VEPH1: variants seen among roughly 807,000 people sequenced by gnomAD.
The protein encoded by VEPH1 is ventricular zone expressed PH domain containing 1.
A neutral mutation model predicts 85.2 loss-of-function variants in VEPH1; 80 were observed. That is an observed-to-expected ratio of 0.94 (90% CI 0.78 to 1.13). The LOEUF (loss-of-function observed/expected upper bound fraction) is 1.13. Among genes scored for constraint, VEPH1 ranks in the 50% most tolerant of loss-of-function variants. The pLI, the probability that VEPH1 is intolerant of heterozygous loss-of-function variation, is 0.00. For synonymous variants in VEPH1, 297 were observed against 348.0 expected, an observed-to-expected ratio of 0.85 and a Z score of 1.63; for missense variants, 955 against 980.5, an observed-to-expected ratio of 0.97 and a Z score of 0.35.
intron 11 of VEPH1, among the ~76,000 whole-genome samples, chr3:157,305,553 G>T (rs192013863): frequency 2.6e-5 from 4 of 152,164 alleles, no homozygotes; most frequent in African/African-American, 9.6e-5. Flanking sequence ...TACTTTTTGT[G>T]TTTGTTTATC....
At chr3:157,482,215 T>C (rs1015481649) in intron 2 of VEPH1, among the ~76,000 whole-genome samples, 2 of 95,684 alleles carry the variant, frequency 2.1e-5, no homozygotes, top group African/African-American at 9.6e-5. Context: ...AAAAATGATG[T>C]TGGTAGGTTT....
At chr3:157,404,461 G>A (rs936735220) in intron 6 of VEPH1, among the ~76,000 whole-genome samples, 11 of 152,132 alleles carry the variant, frequency 7.2e-5, no homozygotes, top group Admixed American at 1.3e-4. Context: ...TCTTTGTCTT[G>A]GATTGGGGTT....
chr3:157,456,985 T>C (rs78498297), intron 4 of VEPH1, among the ~76,000 whole-genome samples: 1 of 152,228 alleles, frequency 6.6e-6, no homozygotes, highest in South Asian at 2.1e-4. Context: ...TTTAATGATA[T>C]TGTTTCCTCC....
intron 3 of VEPH1, among the ~76,000 whole-genome samples, chr3:157,464,582 G>A (rs1378211506): frequency 6.6e-6 from 1 of 152,166 alleles, no homozygotes; most frequent in Non-Finnish European, 1.5e-5. Context: ...ACTTTCTCGT[G>A]GGGACAATTT....
chr3:157,393,512 TAA>T (rs1730077895), intron 6 of VEPH1, among the ~76,000 whole-genome samples: 1 of 152,188 alleles, frequency 6.6e-6, no homozygotes, highest in African/African-American at 2.4e-5. Context: ...AATTTAAAAA[TAA>T]GTTACTTAGT....
At chr3:157,402,746 ATAAT>A (rs1730871560) in intron 6 of VEPH1, among the ~76,000 whole-genome samples, 1 of 152,174 alleles carries the variant, frequency 6.6e-6, no homozygotes, top group Non-Finnish European at 1.5e-5. Flanking sequence ...AAAGCAATAA[ATAAT>A]TATTCATTTA....
chr3:157,362,138 C>G (rs552194520), intron 9 of VEPH1, among the ~76,000 whole-genome samples: 3 of 152,198 alleles, frequency 2.0e-5, no homozygotes, highest in African/African-American at 7.2e-5. Flanking sequence ...TCAAGCCATT[C>G]TCCTGCCTCA....
At chr3:157,287,932 C>G (rs1022896969) in intron 11 of VEPH1, among the ~76,000 whole-genome samples, 1 of 152,134 alleles carries the variant, frequency 6.6e-6, no homozygotes, top group Non-Finnish European at 1.5e-5. Flanking sequence ...TTTTTTCCTC[C>G]AAGTGGTTGA....
intron 4 of VEPH1, among the ~76,000 whole-genome samples, chr3:157,455,289 G>C (rs1176649402): frequency 1.3e-5 from 2 of 152,052 alleles, no homozygotes; most frequent in Non-Finnish European, 2.9e-5. Context: ...CAGACATTTT[G>C]ACTGGTATGA....
intron 12 of VEPH1, among the ~76,000 whole-genome samples, chr3:157,272,383 C>CTTTCTTTCTTTCTTTCT (rs1714776391): frequency 1.0e-5 from 1 of 98,178 alleles, no homozygotes; most frequent in Non-Finnish European, 2.0e-5. Flanking sequence ...TCTTTTCTTT[C>CTTTCTTTCTTTCTTTCT]TTTCTTTCTT....
intron 6 of VEPH1, among the ~76,000 whole-genome samples, chr3:157,390,177 T>A (rs576635283): frequency 6.6e-6 from 1 of 152,336 alleles, no homozygotes; most frequent in Non-Finnish European, 1.5e-5. Flanking sequence ...TATGCTGAAA[T>A]ACTTTTACTT....
At chr3:157,443,198 C>A in intron 4 of VEPH1, 1 of 497,820 alleles carries the variant, frequency 2.0e-6, no homozygotes, top group East Asian at 3.1e-5. Context: ...AGACTTTATG[C>A]CATGGTGCTT....
intron 4 of VEPH1, among the ~76,000 whole-genome samples, chr3:157,457,518 TGCCATTGATG>T (rs1209105447): frequency 6.6e-6 from 1 of 152,212 alleles, no homozygotes; most frequent in Non-Finnish European, 1.5e-5. Context: ...GCTGTGGGTT[TGCCATTGATG>T]GCTCTTACTA....
chr3:157,359,878 G>A (rs1378824828), intron 9 of VEPH1, among the ~76,000 whole-genome samples: 2 of 152,116 alleles, frequency 1.3e-5, no homozygotes, highest in Non-Finnish European at 2.9e-5. Context: ...CCTAGCGTAT[G>A]GACTTTGTAA....
At chr3:157,386,583 G>A (rs1299701412) in intron 6 of VEPH1, among the ~76,000 whole-genome samples, 3 of 152,188 alleles carry the variant, frequency 2.0e-5, no homozygotes. Flanking sequence ...TCACGACTAG[G>A]AGAATGGGAG....
At chr3:157,355,227 G>A (rs1217711718) in intron 9 of VEPH1, among the ~76,000 whole-genome samples, 1 of 152,216 alleles carries the variant, frequency 6.6e-6, no homozygotes, top group Non-Finnish European at 1.5e-5. Flanking sequence ...TACGTATTAT[G>A]TAAGTTCCAA....
At chr3:157,443,062 G>T (rs1734266424) in intron 4 of VEPH1, 8 of 1,464,748 alleles carry the variant, frequency 5.5e-6, no homozygotes, top group Non-Finnish European at 7.3e-6. Context: ...AAAACTCAGT[G>T]CATAATAGGA....
chr3:157,377,745 C>T (rs952629777), intron 7 of VEPH1, among the ~76,000 whole-genome samples: 6 of 152,190 alleles, frequency 3.9e-5, no homozygotes, highest in Non-Finnish European at 4.4e-5. Context: ...AGTTTCCTGA[C>T]GTCTCCCAGC....
chr3:157,481,486 A>AAAAAAAAAAAAC (rs57277738), intron 2 of VEPH1, among the ~76,000 whole-genome samples: 11 of 79,034 alleles, frequency 1.4e-4, no homozygotes, highest in Admixed American at 3.2e-4. Context: ...AAAAAAAAAA[A>AAAAAAAAAAAAC]CAATCCTAAG....
Sources: gnomAD v4.1 joint callset for allele counts (sites outside exome capture counted in the v4.1 genomes callset) on GRCh38, gnomAD v4.1.1 for gene constraint, MANE v1.5 for transcripts, NCBI Gene and HGNC (gene_info 2026-07-23, HGNC 2026-07-21) for gene names.